TTC39C: variants seen among roughly 807,000 people sequenced by gnomAD.
The protein encoded by TTC39C is tetratricopeptide repeat domain 39C, also known as tetratricopeptide repeat protein 39C.
Under a neutral mutation model 76.3 loss-of-function variants are expected in TTC39C, and 33 were observed. The ratio of observed to expected loss-of-function variants is 0.43; its 90% CI spans 0.33 to 0.58. The LOEUF is 0.58. Ranked by LOEUF, TTC39C falls within the 20% of genes least tolerant of loss-of-function variation. The pLI, the probability that TTC39C is intolerant of heterozygous loss-of-function variation, is 0.04. For synonymous variants in TTC39C, 254 were observed against 260.6 expected, an observed-to-expected ratio of 0.97 and a Z score of 0.24; for missense variants, 595 against 701.4, an observed-to-expected ratio of 0.85 and a Z score of 1.71.
chr18:24,094,026 A>G (rs1283216895), intron 6 of TTC39C, among the ~76,000 whole-genome samples: 2 of 152,198 alleles, frequency 1.3e-5, no homozygotes, highest in African/African-American at 4.8e-5. Context: ...ATAGCATTTT[A>G]CCTACAGTAG....
chr18:24,127,556 C>T lies in TTC39C; in HGVS notation c.1421-1330C>T, dbSNP rs2085066447. ...TTTTTGAGACAGGGTCATGCTCTGT[C>T]GCCCAGGCTGGAGTGTAGTGCACAA... On this transcript the variant is annotated intron_variant, in intron 10 of 13. Coordinates refer to ENST00000317571, the MANE Select transcript of TTC39C (RefSeq NM_001135993.2). Among the ~76,000 whole-genome samples the T allele has an allele frequency of 1.3e-5, 2 of 152,096 alleles. 1 individual carries two copies. Among genetic ancestry groups the T allele is most frequent in the South Asian group, 4.1e-4 (2 of 4,822 alleles).
chr18:24,046,550 C>T (rs1045528689), intron 1 of TTC39C, among the ~76,000 whole-genome samples: 1 of 151,868 alleles, frequency 6.6e-6, no homozygotes, highest in Non-Finnish European at 1.5e-5. Context: ...CCAGAGTAAG[C>T]ATTACCTTAG....
chr18:24,017,639 G>A (rs1238462761), intron 1 of TTC39C, among the ~76,000 whole-genome samples: 1 of 152,140 alleles, frequency 6.6e-6, no homozygotes, highest in Non-Finnish European at 1.5e-5. Flanking sequence ...TTATGCATTG[G>A]GAAACTTCCC....
Position 24,133,436 on chromosome 18 carries a change from C to G in TTC39C, c.*862C>G, listed in dbSNP as rs1317506236. On this transcript the variant is annotated 3_prime_UTR_variant, in exon 14 of 14. Transcript: ENST00000317571. Reference sequence around the variant, plus strand: ...TCTTTTGCTAATCTATTAGCCTAGTCTATAGATTAGACAAACAGTATCTAC... The same window carrying G: ...TCTTTTGCTAATCTATTAGCCTAGTGTATAGATTAGACAAACAGTATCTAC... 6.6e-6 allele frequency: 1 copy of G among 152,184 alleles called. No homozygotes were observed. The allele number at this position is 152,184 out of a possible 1,614,324, so 9.4% of individuals were successfully genotyped here. A position where few individuals can be genotyped will look rare whatever the true frequency, so the allele number is the denominator to read the frequency against.
intron 4 of TTC39C, among the ~76,000 whole-genome samples, chr18:24,076,489 G>A (rs1389172972): frequency 1.3e-5 from 2 of 151,808 alleles, no homozygotes; most frequent in Non-Finnish European, 2.9e-5. Context: ...CCCTGTAGGA[G>A]CCACAGTGCA....
At chr18:24,116,529 A>C (rs1182585189) in intron 7 of TTC39C, among the ~76,000 whole-genome samples, 1 of 152,198 alleles carries the variant, frequency 6.6e-6, no homozygotes, top group Non-Finnish European at 1.5e-5. Context: ...CCTGGGTGAC[A>C]GAGTGAGAGT....
At chr18:24,092,718 T>C (rs1243901144) in intron 6 of TTC39C, among the ~76,000 whole-genome samples, 1 of 152,116 alleles carries the variant, frequency 6.6e-6, no homozygotes, top group Non-Finnish European at 1.5e-5. Context: ...CTTGCTTCAG[T>C]GTGGAGGTAG....
At chr18:24,116,647 C>T (rs1321114868) in intron 7 of TTC39C, among the ~76,000 whole-genome samples, 1 of 152,018 alleles carries the variant, frequency 6.6e-6, no homozygotes, top group Admixed American at 6.6e-5. Flanking sequence ...ACTCTTCCTC[C>T]CACGGTTTAA....
chr18:24,042,703 A>C (rs549102695), intron 1 of TTC39C, among the ~76,000 whole-genome samples: 1 of 152,326 alleles, frequency 6.6e-6, no homozygotes, highest in Middle Eastern at 3.4e-3. Flanking sequence ...TCTCTCTCCA[A>C]GAGTTTTTAC....
At chr18:24,071,217 G>A (rs918960056) in intron 4 of TTC39C, among the ~76,000 whole-genome samples, 1 of 152,152 alleles carries the variant, frequency 6.6e-6, no homozygotes, top group African/African-American at 2.4e-5. Context: ...GTGAGCTGCC[G>A]TGCCCAGCCA....
chr18:24,029,670 G>A (rs1271644293), intron 1 of TTC39C, among the ~76,000 whole-genome samples: 4 of 74,946 alleles, frequency 5.3e-5, no homozygotes, highest in East Asian at 4.7e-4. Context: ...CCCTTCCCCC[G>A]CTGAGTCCCC....
At chr18:24,048,390 A>C (rs779469555) in intron 1 of TTC39C, among the ~76,000 whole-genome samples, 1 of 152,236 alleles carries the variant, frequency 6.6e-6, no homozygotes, top group Non-Finnish European at 1.5e-5. Context: ...TTAAATTTTA[A>C]ATACCCTATT....
intron 1 of TTC39C, among the ~76,000 whole-genome samples, chr18:24,002,464 G>A (rs1286661317): frequency 1.3e-5 from 2 of 152,184 alleles, no homozygotes; most frequent in Non-Finnish European, 2.9e-5. Context: ...AATGTTTTAA[G>A]GGCAGGTGGT....
At position 24,083,087 on chromosome 18, in the gene TTC39C, G is replaced by C; in HGVS notation, c.984+6G>C. The C allele has an allele frequency of 6.3e-7, 1 of 1,596,274 alleles. No homozygotes were observed. The highest frequency in any genetic ancestry group is 8.5e-7 in the Non-Finnish European group (1 of 1,170,492). Reference sequence around the variant, plus strand: ...GACGGATACAACGACTAGAGGTACTGTACCTTCCTCATCTTTTTAAAATAA... The same window carrying C: ...GACGGATACAACGACTAGAGGTACTCTACCTTCCTCATCTTTTTAAAATAA... On this transcript the variant is annotated splice_donor_region_variant and intron_variant, in intron 6 of 13. Transcript: ENST00000317571.
intron 1 of TTC39C, among the ~76,000 whole-genome samples, chr18:24,023,378 C>A (rs2083539252): frequency 6.6e-6 from 1 of 152,208 alleles, no homozygotes; most frequent in African/African-American, 2.4e-5. Flanking sequence ...GCTGCTGAGC[C>A]ACATGCAGGT....
At chr18:24,103,073 A>G (rs961142796) in intron 6 of TTC39C, among the ~76,000 whole-genome samples, 16 of 152,094 alleles carry the variant, frequency 1.1e-4, no homozygotes, top group African/African-American at 3.9e-4. Context: ...CTGCATTCCA[A>G]CCTGGGCAAC....
chr18:24,103,973 C>G (rs993260100), intron 6 of TTC39C, among the ~76,000 whole-genome samples: 2 of 151,576 alleles, frequency 1.3e-5, no homozygotes, highest in Non-Finnish European at 2.9e-5. Flanking sequence ...GTTCTGTCAC[C>G]CAGGCTGGAG....
At chr18:24,056,545 C>G (rs2084018728) in intron 1 of TTC39C, among the ~76,000 whole-genome samples, 1 of 147,428 alleles carries the variant, frequency 6.8e-6, no homozygotes, top group Non-Finnish European at 1.5e-5. Flanking sequence ...CTTTGAGAAT[C>G]AAATATATAC....
At chr18:24,052,558 C>CT (rs2083964827) in intron 1 of TTC39C, among the ~76,000 whole-genome samples, 8 of 151,854 alleles carry the variant, frequency 5.3e-5, no homozygotes, top group Non-Finnish European at 1.0e-4. Flanking sequence ...AAAATTATTG[C>CT]TTTTTTTAAA....
Sources: gnomAD v4.1 joint callset for allele counts (sites outside exome capture counted in the v4.1 genomes callset) on GRCh38, gnomAD v4.1.1 for gene constraint, MANE v1.5 for transcripts, NCBI Gene and HGNC (gene_info 2026-07-23, HGNC 2026-07-21) for gene names.